The following C12orf56 variants were observed in gnomAD, a reference collection of about 807,000 sequenced individuals.
C12orf56 encodes uncharacterized protein C12orf56.
In C12orf56, 71 loss-of-function variants were observed where a neutral mutation model predicts 69.9. That is an observed-to-expected ratio of 1.02 (90% CI 0.84 to 1.24). The LOEUF is 1.24. Ranked by LOEUF, C12orf56 falls within the 50% of genes most tolerant of loss-of-function variation. C12orf56 has a pLI of 0.00. For synonymous variants in C12orf56, 276 were observed against 274.1 expected (o/e 1.01, Z -0.07); for missense variants, 732 against 738.5 (o/e 0.99, Z 0.10).
chr12:64,377,345 C>T (rs940740382), intron 1 of C12orf56, among the ~76,000 whole-genome samples: 1 of 151,796 alleles, frequency 6.6e-6, no homozygotes. Context: ...AAGTGCACCA[C>T]CCCCAGCTAA....
chr12:64,277,440 T>C (rs2038065919), intron 9 of C12orf56, among the ~76,000 whole-genome samples: 1 of 152,096 alleles, frequency 6.6e-6, no homozygotes, highest in Non-Finnish European at 1.5e-5. Context: ...CCTTAAGACA[T>C]ATAAAAGGGA....
rs570014767 is a variant in C12orf56 at position 64,276,111 on chromosome 12, T to A, written c.1435-739A>T. On this transcript the variant is annotated intron_variant, in intron 9 of 12. Coordinates refer to ENST00000543942, the MANE Select transcript of C12orf56 (RefSeq NM_001170633.2). The stretch of plus-strand genomic sequence containing the variant: ...GATAAATAGAGGGTTTAGAGATACT[T>A]CATTCCTCTCAAGAATTCCAAACTC... 2.6e-5 allele frequency among the ~76,000 whole-genome samples: 4 copies of A among 152,240 alleles called. No individual in the cohort carries two copies. The South Asian group carries it at 8.3e-4, about 32-fold the overall frequency.
chr12:64,268,723 A>G (rs1019764254), intron 12 of C12orf56, among the ~76,000 whole-genome samples: 1 of 152,130 alleles, frequency 6.6e-6, no homozygotes, highest in Non-Finnish European at 1.5e-5. Flanking sequence ...ACCTTAATAT[A>G]TATATTTTTT....
At chr12:64,339,964 C>T (rs2039053467) in intron 2 of C12orf56, among the ~76,000 whole-genome samples, 1 of 151,656 alleles carries the variant, frequency 6.6e-6, no homozygotes, top group African/African-American at 2.4e-5. Context: ...ATGATAACTT[C>T]CATATATTTA....
intron 2 of C12orf56, among the ~76,000 whole-genome samples, chr12:64,331,960 A>G (rs2038936119): frequency 6.6e-6 from 1 of 151,688 alleles, no homozygotes; most frequent in Non-Finnish European, 1.5e-5. Context: ...AAAAAAAAAA[A>G]AGAAGGAAAA....
Position 64,277,684 on chromosome 12 carries a change from G to C in C12orf56, c.1430C>G (p.Ala477Gly). ...CCCCCCAAATTCTCATCTCACCTCA[G>C]CGTCAAAAGACATTCTGACTAAAGC... Reference protein sequence around the residue: ...DSALVRMSFDAELQKLILEYT... With the variant: ...DSALVRMSFDGELQKLILEYT... The change falls in exon 9 of 13, where the codon GCT (alanine) becomes GGT (glycine). Residue 477 changes from alanine to glycine, a missense_variant. Physicochemically the swap from Ala to Gly is moderately conservative, Grantham distance 60. Transcript: ENST00000543942. The C allele has an allele frequency of 6.5e-7, 1 of 1,543,666 alleles. No homozygotes were observed. The highest frequency in any genetic ancestry group is 8.8e-7 in the Non-Finnish European group (1 of 1,142,622).
rs10878133 is a variant in C12orf56, at chr12:64,275,706, C to T, written c.1435-334G>A. 2.6e-5 allele frequency among the ~76,000 whole-genome samples: 4 copies of T among 152,280 alleles called. No homozygotes were observed. In the South Asian group the frequency reaches 8.3e-4, roughly 32 times the overall value. On this transcript the variant is annotated intron_variant, in intron 9 of 12. Coordinates refer to ENST00000543942, the MANE Select transcript of C12orf56 (RefSeq NM_001170633.2). ...TGGTCTCAAATTCCTGAGCCCAACC[C>T]ATCCTTTCACCTCAGTCTCCCCAGT...
At chr12:64,357,145 T>C (rs1367788575) in intron 1 of C12orf56, among the ~76,000 whole-genome samples, 3 of 151,812 alleles carry the variant, frequency 2.0e-5, no homozygotes, top group Admixed American at 1.3e-4. Flanking sequence ...TTTCAACTTA[T>C]GAAAAGAGGA....
At chr12:64,267,369 C>T (rs2037929684) in intron 12 of C12orf56, 81 bp from the exon 13 acceptor site, 1 of 1,094,470 alleles carries the variant, frequency 9.1e-7, no homozygotes. Flanking sequence ...CATTCACACT[C>T]ACTGGCTAGG....
intron 5 of C12orf56, 109 bp downstream of exon 5, chr12:64,312,570 C>G (rs556405510): frequency 2.2e-4 from 172 of 796,576 alleles, no homozygotes; most frequent in Non-Finnish European, 1.5e-4. Flanking sequence ...GACTGTGCCA[C>G]TGCACTCCAG....
At position 64,345,211 on chromosome 12, in the gene C12orf56, G is replaced by T. The variant is rs117735537; in HGVS notation, c.415+7683C>A. ...GGTCTACAAGCAAACAGGAACATTG[G>T]GGGGTGGGTCCTGAGGAGAGTCAAC... On this transcript the variant is annotated intron_variant, in intron 2 of 12. Coordinates refer to ENST00000543942, the MANE Select transcript of C12orf56 (RefSeq NM_001170633.2). 1.1e-3 allele frequency among the ~76,000 whole-genome samples: 174 copies of T among 152,282 alleles called. No homozygotes were observed. In the South Asian group the frequency reaches 0.014, roughly 12 times the overall value.
At position 64,266,558 on chromosome 12, in the gene C12orf56, C is replaced by G. The variant is rs2037921581; in HGVS notation, c.*625G>C. 3.2e-6 allele frequency: 1 copy of G among 315,784 alleles called. No homozygotes were observed. Among genetic ancestry groups the G allele is most frequent in the South Asian group, 7.8e-5 (1 of 12,840 alleles). The allele number at this position is 315,784 out of a possible 1,614,324, so 19.6% of individuals were successfully genotyped here. ...CAGAAGTGGCGTGGATGCGCCAGGC[C>G]CTGCTGGTGGTGGACATAGTGGACT... is the stretch of plus-strand genomic sequence containing the variant. On this transcript the variant is annotated 3_prime_UTR_variant, in exon 13 of 13. Transcript: ENST00000543942.
At chr12:64,307,836 C>CAATA (rs761122569) in intron 5 of C12orf56, among the ~76,000 whole-genome samples, 4 of 151,934 alleles carry the variant, frequency 2.6e-5, no homozygotes, top group South Asian at 2.1e-4. Flanking sequence ...GACCCCATCT[C>CAATA]AATAAATAAA....
At chr12:64,362,569 G>T (rs947494489) in intron 1 of C12orf56, among the ~76,000 whole-genome samples, 1 of 152,110 alleles carries the variant, frequency 6.6e-6, no homozygotes, top group Non-Finnish European at 1.5e-5. Context: ...TTGGGTGCCT[G>T]TAATCTCAGC....
Position 64,390,332 on chromosome 12 carries a change from G to A in C12orf56, c.234C>T (p.Asp78=). ...CGCTCACCAGGTCAATGGCCACGAC[G>A]TCCCGCAGAGCCACTACCCGCCGGA... ...KSIRRVVALR[D]VVAIDLIDDY... is the part of the protein sequence containing the mutation. Residue 78 remains aspartate (D), a synonymous_variant, in exon 1 of 13, where the codon GAC becomes GAT. Coordinates refer to ENST00000543942, the MANE Select transcript of C12orf56 (RefSeq NM_001170633.2). 6.2e-7 allele frequency: 1 copy of A among 1,610,204 alleles called. No homozygotes were observed. Among genetic ancestry groups the A allele is most frequent in the Non-Finnish European group, 8.5e-7 (1 of 1,179,068 alleles).
At chr12:64,337,112 A>G (rs1192918812) in intron 2 of C12orf56, among the ~76,000 whole-genome samples, 1 of 152,230 alleles carries the variant, frequency 6.6e-6, no homozygotes, top group Non-Finnish European at 1.5e-5. Context: ...TCCCAATTAC[A>G]GGGACAGATA....
chr12:64,343,683 A>C (rs1052804173), intron 2 of C12orf56, among the ~76,000 whole-genome samples: 6 of 152,248 alleles, frequency 3.9e-5, no homozygotes, highest in Admixed American at 3.9e-4. Context: ...TGTCTTCTGC[A>C]CAGGCCAAAT....
chr12:64,342,753 G>A (rs576721246), intron 2 of C12orf56, among the ~76,000 whole-genome samples: 1 of 152,314 alleles, frequency 6.6e-6, no homozygotes, highest in East Asian at 1.9e-4. Flanking sequence ...CCAAAGCCCA[G>A]TAACAGGCCA....
intron 3 of C12orf56, among the ~76,000 whole-genome samples, chr12:64,324,352 A>G (rs2038810939): frequency 6.6e-6 from 1 of 152,246 alleles, no homozygotes; most frequent in African/African-American, 2.4e-5. Flanking sequence ...CAAAAGTGCA[A>G]TTGAAATCAA....
Sources: gnomAD v4.1 joint callset for allele counts (sites outside exome capture counted in the v4.1 genomes callset) on GRCh38, gnomAD v4.1.1 for gene constraint, MANE v1.5 for transcripts, NCBI Gene and HGNC (gene_info 2026-07-23, HGNC 2026-07-21) for gene names.